The following MYO5C variants were observed in gnomAD, a reference collection of about 807,000 sequenced individuals.
MYO5C encodes unconventional myosin-Vc.
Under a neutral mutation model 235.7 loss-of-function variants are expected in MYO5C, and 194 were observed. The observed-to-expected ratio is 0.82, with a 90% CI of 0.73 to 0.93. MYO5C has a LOEUF of 0.93. Ranked by LOEUF, MYO5C falls within the 40% of genes least tolerant of loss-of-function variation. The pLI is 0.00. For synonymous variants in MYO5C, 707 were observed against 754.8 expected, an observed-to-expected ratio of 0.94 and a Z score of 1.04; for missense variants, 2,038 against 2,127.2, an observed-to-expected ratio of 0.96 and a Z score of 0.82.
In MYO5C at chr15:52,279,517, G is replaced by C; in HGVS notation, c.296C>G (p.Thr99Ser). Reference sequence around the variant, plus strand: ...AGAATTGCTCTCCTTACCACTGTAGGTGTAAATGAGTTTGGATTCTGCAAA... The same window carrying C: ...AGAATTGCTCTCCTTACCACTGTAGCTGTAAATGAGTTTGGATTCTGCAAA... ...IRFAESKLIYTYSGIILVAMN... is the reference protein window; with the variant it reads ...IRFAESKLIYSYSGIILVAMN... The change falls in exon 3 of 41, where the codon ACC becomes AGC. Residue 99 changes from threonine (T) to serine (S), a missense_variant. By Grantham distance (58) the Thr-to-Ser change is moderately conservative. Coordinates refer to ENST00000261839, the MANE Select transcript of MYO5C (RefSeq NM_018728.4). 1 of 1,613,014 alleles carries C rather than the reference G, an allele frequency of 6.2e-7. No individual in the cohort carries two copies. The highest frequency in any genetic ancestry group is 2.2e-5 in the East Asian group (1 of 44,852).
rs894235941 is a variant in MYO5C, at chr15:52,246,929, T to A, written c.1967A>T (p.Lys656Met). 4 of 1,613,808 alleles carry A rather than the reference T, an allele frequency of 2.5e-6. No individual in the cohort carries two copies. Among genetic ancestry groups the A allele is most frequent in the Non-Finnish European group, 3.4e-6 (4 of 1,179,906 alleles). The change falls in exon 16 of 41, where the codon AAG becomes ATG. Residue 656 changes from lysine (K) to methionine (M), a missense_variant. Coordinates refer to ENST00000261839, the MANE Select transcript of MYO5C (RefSeq NM_018728.4). The stretch of plus-strand genomic sequence containing the variant: ...TAAGAACACTTACTCAAAGGGTAAC[T>A]TCTCATCATTTGGCTTGATGCATCG... ...YVRCIKPNDE[K>M]LPFEFDSKRI...
chr15:52,242,926 AGTTT>A (rs2036258814), intron 19 of MYO5C: 1 of 152,254 alleles, frequency 6.6e-6, no homozygotes, highest in Non-Finnish European at 1.5e-5. Flanking sequence ...TCAGAAAAGG[AGTTT>A]GTTTGGAATC....
Position 52,221,217 on chromosome 15 carries a change from C to T in MYO5C, c.3666G>A (p.Glu1222=), listed in dbSNP as rs1353252970. Residue 1222 remains glutamate (E), a synonymous_variant, in exon 30 of 41, where the codon GAG becomes GAA. Coordinates refer to ENST00000261839, the MANE Select transcript of MYO5C (RefSeq NM_018728.4). ...GGATTTCAAGATCTTGCTTCTGTTT[C>T]TCCAATTCTGAAATTTGCTGTTTAA... ...PDFKQQISEL[E]KQKQDLEIRL... is the part of the protein sequence containing the mutation. 3 of 1,613,096 alleles carry T rather than the reference C, an allele frequency of 1.9e-6. No individual in the cohort carries two copies. The highest frequency in any genetic ancestry group is 2.5e-6 in the Non-Finnish European group (3 of 1,179,496).
intron 5 of MYO5C, among the ~76,000 whole-genome samples, chr15:52,274,516 C>A (rs1270228300): frequency 2.0e-5 from 3 of 152,086 alleles, no homozygotes; most frequent in African/African-American, 4.8e-5. Flanking sequence ...TGAGCTCAAG[C>A]AATCCACCCA....
intron 13 of MYO5C, among the ~76,000 whole-genome samples, chr15:52,249,161 C>T (rs146381211): frequency 2.2e-4 from 33 of 152,316 alleles, no homozygotes; most frequent in African/African-American, 7.7e-4. Flanking sequence ...TGGGTTCAAA[C>T]AGACATCGTT....
At position 52,230,752 on chromosome 15, in the gene MYO5C, T is replaced by TTAA. The variant is rs140001714; in HGVS notation, c.3027-1440_3027-1439insTTA. Among the ~76,000 whole-genome samples the TTAA allele has an allele frequency of 6.1e-3, 908 of 148,638 alleles. 14 individuals carry two copies. The highest frequency in any genetic ancestry group is 0.022 in the African/African-American group (875 of 40,182). The stretch of plus-strand genomic sequence containing the variant: ...TAACGAACTTTGTTTCCAGGTTTTT[T>TTAA]AAAAAAAAACTGCAGTGCTCCCAAG... On this transcript the variant is annotated intron_variant, in intron 24 of 40. Coordinates refer to ENST00000261839, the MANE Select transcript of MYO5C (RefSeq NM_018728.4).
rs747083408 is a variant in MYO5C, at chr15:52,278,876, G to A, written c.446C>T (p.Ala149Val). Reference protein sequence around the residue: ...AVAEEAYKQMARNNRNQSIIV... With the variant: ...AVAEEAYKQMVRNNRNQSIIV... Reference sequence around the variant, plus strand: ...GTCCAGCTTGGCAGGAAGCTACCTGGCCATCTGCTTGTATGCCTCTTCTGC... The same window carrying A: ...GTCCAGCTTGGCAGGAAGCTACCTGACCATCTGCTTGTATGCCTCTTCTGC... The change falls in exon 4 of 41, where the codon GCC (alanine) becomes GTC (valine). Residue 149 changes from alanine to valine, a missense_variant. Physicochemically the swap from Ala to Val is moderately conservative, Grantham distance 64. Transcript: ENST00000261839. 2 of 1,613,744 alleles carry A rather than the reference G, an allele frequency of 1.2e-6. No homozygotes were observed. Among genetic ancestry groups the A allele is most frequent in the South Asian group, 1.1e-5 (1 of 91,036 alleles).
At chr15:52,256,571 A>ACG in intron 11 of MYO5C, 68 bp downstream of exon 11, 1 of 843,262 alleles carries the variant, frequency 1.2e-6, no homozygotes, top group South Asian at 1.4e-5. Flanking sequence ...GAACACACAC[A>ACG]CACACACACA....
chr15:52,238,127 T>C (rs1487050315), intron 21 of MYO5C, among the ~76,000 whole-genome samples: 2 of 151,680 alleles, frequency 1.3e-5, no homozygotes, highest in Non-Finnish European at 2.9e-5. Context: ...CAGAGGGAGG[T>C]GGCAGCCATC....
intron 33 of MYO5C, chr15:52,213,523 G>C (rs1187182193): frequency 2.5e-6 from 1 of 401,586 alleles, no homozygotes; most frequent in South Asian, 3.7e-5. Flanking sequence ...CCTTTGAAGA[G>C]CCTTATGAGT....
intron 15 of MYO5C, among the ~76,000 whole-genome samples, chr15:52,247,253 A>C (rs528218710): frequency 9.9e-5 from 15 of 152,240 alleles, no homozygotes; most frequent in Non-Finnish European, 1.9e-4. Flanking sequence ...GTTATTGTGC[A>C]AGAGCGTGGT....
At chr15:52,200,027 C>G (rs1467748780) in intron 38 of MYO5C, among the ~76,000 whole-genome samples, 2 of 152,142 alleles carry the variant, frequency 1.3e-5, no homozygotes, top group African/African-American at 4.8e-5. Context: ...TGAGCCCACG[C>G]ATGAATCTGA....
chr15:52,236,123 C>T (rs1403467090), intron 22 of MYO5C, among the ~76,000 whole-genome samples: 4 of 152,194 alleles, frequency 2.6e-5, no homozygotes, highest in East Asian at 3.8e-4. Context: ...CAGTTGATGG[C>T]GTAAAGGGGA....
intron 23 of MYO5C, 39 bp downstream of exon 23, chr15:52,235,631 A>C (rs773822240): frequency 1.3e-5 from 19 of 1,513,470 alleles, no homozygotes; most frequent in Non-Finnish European, 1.7e-5. Flanking sequence ...TGAGTGACTA[A>C]ATCAGTGAAT....
intron 38 of MYO5C, among the ~76,000 whole-genome samples, chr15:52,204,074 T>G (rs1336715456): frequency 6.6e-6 from 1 of 152,180 alleles, no homozygotes; most frequent in East Asian, 1.9e-4. Context: ...TTGATCAGTG[T>G]TAATTCAAAT....
At chr15:52,194,700 ATAT>A (rs945632959) in intron 40 of MYO5C, among the ~76,000 whole-genome samples, 1 of 151,614 alleles carries the variant, frequency 6.6e-6, no homozygotes, top group Non-Finnish European at 1.5e-5. Flanking sequence ...CTGACTTAAT[ATAT>A]TATCATATAT....
At chr15:52,205,401 G>A in intron 37 of MYO5C, 1 of 502,520 alleles carries the variant, frequency 2.0e-6, no homozygotes. Context: ...AGCTTCACAG[G>A]AAAGAAAGCT....
chr15:52,241,971 T>G, intron 20 of MYO5C, 77 bp downstream of exon 20: 1 of 1,470,100 alleles, frequency 6.8e-7, no homozygotes, highest in Non-Finnish European at 9.1e-7. Flanking sequence ...TAGTGAAGTC[T>G]TTCCCTGGGC....
At chr15:52,264,582 G>C (rs1449422569) in intron 8 of MYO5C, among the ~76,000 whole-genome samples, 1 of 152,206 alleles carries the variant, frequency 6.6e-6, no homozygotes. Flanking sequence ...TCCTCGGAGA[G>C]TCATCTTGCC....
Sources: gnomAD v4.1 joint callset for allele counts (sites outside exome capture counted in the v4.1 genomes callset) on GRCh38, gnomAD v4.1.1 for gene constraint, MANE v1.5 for transcripts, NCBI Gene and HGNC (gene_info 2026-07-23, HGNC 2026-07-21) for gene names.